The following CMIP variants were observed in gnomAD, a reference collection of about 807,000 sequenced individuals.
The protein encoded by CMIP is C-Maf-inducing protein.
A neutral mutation model predicts 97.3 loss-of-function variants in CMIP; 13 were observed. The ratio of observed to expected loss-of-function variants is 0.13; its 90% CI spans 0.09 to 0.21. The LOEUF (loss-of-function observed/expected upper bound fraction) is 0.21. Among genes scored for constraint, CMIP ranks in the 10% least tolerant of loss-of-function variants. CMIP has a pLI of 1.00. For missense variants in CMIP, 847 were observed against 1,024.9 expected, an observed-to-expected ratio of 0.83 and a Z score of 2.37; for synonymous variants, 538 against 436.3, an observed-to-expected ratio of 1.23 and a Z score of -2.91.
At chr16:81,567,562 C>G (rs548061866) in intron 1 of CMIP, among the ~76,000 whole-genome samples, 1 of 152,212 alleles carries the variant, frequency 6.6e-6, no homozygotes, top group Non-Finnish European at 1.5e-5. Flanking sequence ...CACTTCACAC[C>G]TTCAGGGATG....
chr16:81,644,951 C>A (rs929920806), intron 3 of CMIP, among the ~76,000 whole-genome samples: 1 of 152,172 alleles, frequency 6.6e-6, no homozygotes, highest in Non-Finnish European at 1.5e-5. Flanking sequence ...CATGCATGCT[C>A]CTGGGCCCGT....
intron 1 of CMIP, among the ~76,000 whole-genome samples, chr16:81,575,205 G>A (rs146624106): frequency 6.6e-6 from 1 of 152,188 alleles, no homozygotes; most frequent in African/African-American, 2.4e-5. Context: ...CCAGTTTATG[G>A]AGGAGGAAAC....
chr16:81,604,376 A>G (rs1243730015), intron 1 of CMIP, among the ~76,000 whole-genome samples: 1 of 144,134 alleles, frequency 6.9e-6, no homozygotes, highest in Non-Finnish European at 1.5e-5. Context: ...AGTCGGGGTG[A>G]CAAGAGCAAA....
At chr16:81,532,260 C>T (rs1454235855) in intron 1 of CMIP, among the ~76,000 whole-genome samples, 1 of 152,252 alleles carries the variant, frequency 6.6e-6, no homozygotes. Flanking sequence ...CGAAGTTGAA[C>T]AAGTGGTGTT....
chr16:81,667,267 AG>A (rs2092614205), intron 7 of CMIP: 1 of 152,250 alleles, frequency 6.6e-6, no homozygotes, highest in Non-Finnish European at 1.5e-5. Flanking sequence ...AATAAAAACT[AG>A]AAACAAAAGG....
intron 9 of CMIP, among the ~76,000 whole-genome samples, chr16:81,677,710 G>A (rs918319535): frequency 1.3e-5 from 2 of 152,202 alleles, no homozygotes; most frequent in African/African-American, 4.8e-5. Flanking sequence ...AGTTAAAGAT[G>A]CTGTGCCTGG....
chr16:81,492,319 GA>G (rs2089418653), intron 1 of CMIP, among the ~76,000 whole-genome samples: 1 of 152,202 alleles, frequency 6.6e-6, no homozygotes, highest in Admixed American at 6.5e-5. Context: ...TTCACGTGTT[GA>G]AAATGGTGCA....
At chr16:81,581,358 T>C (rs1357229940) in intron 1 of CMIP, among the ~76,000 whole-genome samples, 1 of 152,158 alleles carries the variant, frequency 6.6e-6, no homozygotes, top group Non-Finnish European at 1.5e-5. Context: ...GCCTCGATGG[T>C]GTAGCCTGCC....
chr16:81,541,633 T>C (rs920805840), intron 1 of CMIP, among the ~76,000 whole-genome samples: 1 of 152,226 alleles, frequency 6.6e-6, no homozygotes, highest in Non-Finnish European at 1.5e-5. Context: ...AACGGCTGTC[T>C]TTATGAAAGC....
chr16:81,607,914 C>G (rs2091771433), intron 2 of CMIP, among the ~76,000 whole-genome samples: 1 of 152,184 alleles, frequency 6.6e-6, no homozygotes, highest in Non-Finnish European at 1.5e-5. Context: ...CTGCTGCAGT[C>G]TAGGAACTTT....
At chr16:81,471,761 A>G (rs1158086574) in intron 1 of CMIP, among the ~76,000 whole-genome samples, 1 of 152,238 alleles carries the variant, frequency 6.6e-6, no homozygotes, top group Non-Finnish European at 1.5e-5. Flanking sequence ...CTTGAACACA[A>G]GCACCATGAT....
Position 81,610,424 on chromosome 16 carries a change from C to T in CMIP, c.426+2732C>T, listed in dbSNP as rs1037193701. The stretch of plus-strand genomic sequence containing the variant: ...GAGGCAGGAGCAGGAGAGGAGGAAG[C>T]AGAGGAAAAGGAGGAGGAGGAGGCG... On this transcript the variant is annotated intron_variant, in intron 2 of 20. Transcript: ENST00000537098. 1.1e-5 allele frequency: 11 copies of T among 985,948 alleles called. No individual in the cohort carries two copies. In the South Asian group the frequency reaches 1.4e-4, roughly 13 times the overall value. 61.1% of individuals were successfully genotyped at this position (985,948 alleles called of 1,614,324 possible). A position where few individuals can be genotyped will look rare whatever the true frequency, so the allele number is the denominator to read the frequency against.
intron 1 of CMIP, among the ~76,000 whole-genome samples, chr16:81,501,525 G>A (rs2089611854): frequency 1.3e-5 from 2 of 152,144 alleles, no homozygotes; most frequent in South Asian, 4.2e-4. Flanking sequence ...AGAAAATGCG[G>A]TAGCTGGGGG....
At chr16:81,498,179 T>C (rs1187820372) in intron 1 of CMIP, among the ~76,000 whole-genome samples, 2 of 152,222 alleles carry the variant, frequency 1.3e-5, no homozygotes, top group Non-Finnish European at 2.9e-5. Flanking sequence ...AGAACTCGGC[T>C]TCCTTGTCTG....
At chr16:81,657,430 G>A (rs1374886135) in intron 4 of CMIP, among the ~76,000 whole-genome samples, 1 of 152,028 alleles carries the variant, frequency 6.6e-6, no homozygotes, top group African/African-American at 2.4e-5. Flanking sequence ...TCACTTTGAC[G>A]AGGGCCAGAT....
rs534032249 is a variant in CMIP, at chr16:81,577,788, A to ATCACCTTC, written c.301-29778_301-29771dup. On this transcript the variant is annotated intron_variant, in intron 1 of 20. Coordinates refer to ENST00000537098, the MANE Select transcript of CMIP (RefSeq NM_198390.3). ...CACTATCACCATCACCATCATCACCATCACCTTCATCATCACCGTCATCCC... is the reference window on the plus strand; with the variant it reads ...CACTATCACCATCACCATCATCACCATCACCTTCTCACCTTCATCATCACCGTCATCCC... Among the ~76,000 whole-genome samples, 110 of 138,442 alleles carry ATCACCTTC rather than the reference A, an allele frequency of 7.9e-4. 13 individuals carry two copies. Among genetic ancestry groups the ATCACCTTC allele is most frequent in the African/African-American group, 3.4e-3 (107 of 31,652 alleles). 90.8% of individuals were successfully genotyped at this position (138,442 alleles called of 152,430 possible).
In CMIP at chr16:81,577,199, A is replaced by C. The variant is rs1392427863; in HGVS notation, c.301-30368A>C. Among the ~76,000 whole-genome samples the C allele has an allele frequency of 3.9e-5, 5 of 128,916 alleles. 1 individual carries two copies. Among genetic ancestry groups the C allele is most frequent in the African/African-American group, 1.4e-4 (5 of 36,462 alleles). The allele number at this position is 128,916 out of a possible 152,430, so 84.6% of individuals were successfully genotyped here. On this transcript the variant is annotated intron_variant, in intron 1 of 20. Coordinates refer to ENST00000537098, the MANE Select transcript of CMIP (RefSeq NM_198390.3). ...CACTATCACCATCACCATCATCACC[A>C]TCATAACCATCACCTTTATCACCAC...
chr16:81,567,771 G>C (rs980937599), intron 1 of CMIP, among the ~76,000 whole-genome samples: 1 of 152,124 alleles, frequency 6.6e-6, no homozygotes, highest in African/African-American at 2.4e-5. Context: ...GCCTTATTTC[G>C]TCCCCGCTTC....
At chr16:81,556,180 C>G (rs1597554390) in intron 1 of CMIP, among the ~76,000 whole-genome samples, 1 of 152,144 alleles carries the variant, frequency 6.6e-6, no homozygotes, top group African/African-American at 2.4e-5. Context: ...TGCACGTCAT[C>G]TCATTTTGCT....
Sources: allele counts gnomAD v4.1 joint callset (sites outside exome capture counted in the v4.1 genomes callset), GRCh38; gene constraint gnomAD v4.1.1; transcripts MANE v1.5; gene names NCBI Gene and HGNC (gene_info 2026-07-23, HGNC 2026-07-21).